Variants in BRAF observed in about 807,000 individuals in gnomAD.
The protein encoded by BRAF is serine/threonine-protein kinase B-raf.
Under a neutral mutation model 104.6 loss-of-function variants are expected in BRAF, and 16 were observed. The observed-to-expected ratio is 0.15, with a 90% CI of 0.10 to 0.23. The LOEUF (loss-of-function observed/expected upper bound fraction) is 0.23. BRAF is among the 10% of genes least tolerant of loss of function. BRAF has a pLI of 1.00. For missense variants in BRAF, 541 were observed against 937.3 expected (o/e 0.58, Z 5.52); for synonymous variants, 310 against 341.6 (o/e 0.91, Z 1.02).
At chr7:140,742,206 T>G (rs1475527962) in intron 17 of BRAF, among the ~76,000 whole-genome samples, 3 of 152,026 alleles carry the variant, frequency 2.0e-5, no homozygotes, top group African/African-American at 7.2e-5. Context: ...TTTTGTTTTT[T>G]AATTTGAGAC....
At chr7:140,830,799 A>AT (rs1806646627) in intron 3 of BRAF, among the ~76,000 whole-genome samples, 1 of 152,200 alleles carries the variant, frequency 6.6e-6, no homozygotes, top group South Asian at 2.1e-4. Flanking sequence ...TCCTAAAGAG[A>AT]GCACAGAAGC....
intron 1 of BRAF, among the ~76,000 whole-genome samples, chr7:140,901,870 A>C (rs1815681322): frequency 6.6e-6 from 1 of 152,172 alleles, no homozygotes; most frequent in South Asian, 2.1e-4. Context: ...TTATTTATCT[A>C]CTTCTACCAC....
intron 3 of BRAF, among the ~76,000 whole-genome samples, chr7:140,818,987 C>T (rs1805184958): frequency 6.6e-6 from 1 of 152,166 alleles, no homozygotes; most frequent in Non-Finnish European, 1.5e-5. Flanking sequence ...TTCAGTATTT[C>T]CCTTTTGTGT....
At chr7:140,773,732 TA>T (rs1800062951) in intron 14 of BRAF, among the ~76,000 whole-genome samples, 1 of 152,308 alleles carries the variant, frequency 6.6e-6, no homozygotes, top group East Asian at 1.9e-4. Flanking sequence ...AGATAGCTGA[TA>T]TTGCCAATTC....
chr7:140,859,249 C>G (rs906033631), intron 1 of BRAF, among the ~76,000 whole-genome samples: 1 of 152,156 alleles, frequency 6.6e-6, no homozygotes, highest in African/African-American at 2.4e-5. Flanking sequence ...AAAGTTGGCT[C>G]AGGAGGTCTG....
chr7:140,888,784 G>A (rs1020883765), intron 1 of BRAF, among the ~76,000 whole-genome samples: 6 of 151,690 alleles, frequency 4.0e-5, no homozygotes, highest in Admixed American at 6.6e-5. Context: ...GCAGTGGGCC[G>A]AGATTGCGCC....
chr7:140,883,818 G>C (rs1366302674), intron 1 of BRAF, among the ~76,000 whole-genome samples: 3 of 152,146 alleles, frequency 2.0e-5, no homozygotes, highest in African/African-American at 7.2e-5. Flanking sequence ...GGTCACTTAT[G>C]AATCAGGTCA....
rs371590695 is a variant in BRAF, at chr7:140,902,208, A to G, written c.138+22358T>C. Among the ~76,000 whole-genome samples, 17 of 152,286 alleles carry G rather than the reference A, an allele frequency of 1.1e-4. 1 individual carries two copies. The highest frequency in any genetic ancestry group is 3.9e-4 in the African/African-American group (16 of 41,554). Reference sequence around the variant, plus strand: ...GTCACATTTCAGTAATTCTCATAGTATTTCAAACTTCTGCATTATTATGCT... The same window carrying G: ...GTCACATTTCAGTAATTCTCATAGTGTTTCAAACTTCTGCATTATTATGCT... On this transcript the variant is annotated intron_variant, in intron 1 of 19. Transcript: ENST00000644969.
intron 19 of BRAF, chr7:140,734,539 A>G: frequency 1.9e-6 from 3 of 1,612,606 alleles, no homozygotes; most frequent in South Asian, 2.2e-5. Context: ...ATAAGCAAAC[A>G]TATGTTCATT....
At chr7:140,819,570 T>C (rs558877202) in intron 3 of BRAF, among the ~76,000 whole-genome samples, 2 of 152,252 alleles carry the variant, frequency 1.3e-5, no homozygotes, top group East Asian at 1.9e-4. Context: ...AGCTAAAAAG[T>C]AGAAACGACA....
chr7:140,727,942 T>C (rs139371047), intron 19 of BRAF, among the ~76,000 whole-genome samples: 2,172 of 152,294 alleles, frequency 0.014, 24 homozygotes, highest in Non-Finnish European at 0.023. Flanking sequence ...TATTTTTCAA[T>C]AGCAGCTTCT....
At chr7:140,831,707 T>A (rs778898342) in intron 3 of BRAF, among the ~76,000 whole-genome samples, 29 of 152,036 alleles carry the variant, frequency 1.9e-4, no homozygotes, top group Non-Finnish European at 3.2e-4. Context: ...CTTTAAAAAA[T>A]TTTTTTTGAA....
chr7:140,726,654 A>T, intron 19 of BRAF: 2 of 772,086 alleles, frequency 2.6e-6, no homozygotes, highest in Non-Finnish European at 4.2e-6. Flanking sequence ...CTAATTTAAA[A>T]GCAAAAACGG....
intron 3 of BRAF, chr7:140,824,217 A>G (rs1362508785): frequency 1.3e-5 from 2 of 152,204 alleles, no homozygotes; most frequent in African/African-American, 4.8e-5. Context: ...GAAATCATTG[A>G]CAAATCCAAA....
chr7:140,797,068 T>C (rs1052082266), intron 7 of BRAF, among the ~76,000 whole-genome samples: 2 of 152,182 alleles, frequency 1.3e-5, no homozygotes, highest in African/African-American at 4.8e-5. Flanking sequence ...TTATACCCTA[T>C]GAAGTATCTT....
chr7:140,891,408 T>A (rs1030832095), intron 1 of BRAF, among the ~76,000 whole-genome samples: 12 of 152,254 alleles, frequency 7.9e-5, no homozygotes, highest in African/African-American at 2.9e-4. Context: ...ACTTTCCATA[T>A]ACTTTAAATC....
At chr7:140,718,549 C>CAGATGAGTTT, downstream of BRAF, among the ~76,000 whole-genome samples, 1 of 146,020 alleles carries the variant, frequency 6.8e-6, no homozygotes, top group African/African-American at 2.8e-5. Context: ...CACACCTGGC[C>CAGATGAGTTT]TAATTTTTGT....
chr7:140,843,271 C>T lies in BRAF; in HGVS notation c.240+6840G>A, dbSNP rs1808181788. Among the ~76,000 whole-genome samples the T allele has an allele frequency of 7.9e-5, 12 of 152,170 alleles. No homozygotes were observed. The South Asian group carries it at 2.5e-3, about 32-fold the overall frequency. ...AAGAGCTTAGTATACAAGAGAACTT[C>T]TCTGTTCTCTGCTTTCTGCTTTGAG... On this transcript the variant is annotated intron_variant, in intron 2 of 19. Transcript: ENST00000644969.
chr7:140,843,580 T>C (rs1388686885), intron 2 of BRAF, among the ~76,000 whole-genome samples: 2 of 152,240 alleles, frequency 1.3e-5, no homozygotes, highest in African/African-American at 4.8e-5. Flanking sequence ...AAATTTCCCA[T>C]CTCTCTGCTT....
Sources: gnomAD v4.1 joint callset for allele counts (sites outside exome capture counted in the v4.1 genomes callset) on GRCh38, gnomAD v4.1.1 for gene constraint, MANE v1.5 for transcripts, NCBI Gene and HGNC (gene_info 2026-07-23, HGNC 2026-07-21) for gene names.